PLPPR1: variants seen among roughly 807,000 people sequenced by gnomAD.
PLPPR1 encodes phospholipid phosphatase related 1.
A neutral mutation model predicts 33.1 loss-of-function variants in PLPPR1; 10 were observed. The ratio of observed to expected loss-of-function variants is 0.30; its 90% CI spans 0.19 to 0.51. The LOEUF (loss-of-function observed/expected upper bound fraction) is 0.51. Among genes scored for constraint, PLPPR1 ranks in the 20% least tolerant of loss-of-function variants. The pLI is 0.97. For synonymous variants in PLPPR1, 151 were observed against 151.0 expected (o/e 1.00, Z 0.00); for missense variants, 304 against 408.1 (o/e 0.74, Z 2.20).
chr9:101,044,225 A>G (rs1227829672), intron 1 of PLPPR1, among the ~76,000 whole-genome samples: 2 of 152,182 alleles, frequency 1.3e-5, no homozygotes, highest in African/African-American at 2.4e-5. Context: ...AAATGAATAG[A>G]CAGTTCTTCC....
At position 101,325,080 on chromosome 9, in the gene PLPPR1, T is replaced by G. The variant is rs571422304; in HGVS notation, c.*1023T>G. On this transcript the variant is annotated 3_prime_UTR_variant, in exon 8 of 8. Transcript: ENST00000374874. ...CACTTCCATGTTGGCTCTTCTCAGC[T>G]TTTTTTGTACATATTTTTTTTTTCT... 36 of 152,262 alleles carry G rather than the reference T, an allele frequency of 2.4e-4. No individual in the cohort carries two copies. Among genetic ancestry groups the G allele is most frequent in the African/African-American group, 7.5e-4 (31 of 41,538 alleles). 9.4% of individuals were successfully genotyped at this position (152,262 alleles called of 1,614,324 possible).
chr9:101,063,866 T>G (rs923760765), intron 1 of PLPPR1, among the ~76,000 whole-genome samples: 2 of 152,150 alleles, frequency 1.3e-5, no homozygotes, highest in Non-Finnish European at 2.9e-5. Context: ...ATCTGTTTAC[T>G]TCCTTTTGTT....
chr9:101,036,698 T>A (rs1830014373), intron 1 of PLPPR1, among the ~76,000 whole-genome samples: 1 of 84,690 alleles, frequency 1.2e-5, no homozygotes, highest in African/African-American at 5.2e-5. Context: ...TGGCTATTTC[T>A]GCCAAAAAAA....
intron 2 of PLPPR1, among the ~76,000 whole-genome samples, chr9:101,223,747 C>G (rs1403347752): frequency 6.6e-6 from 1 of 152,064 alleles, no homozygotes. Flanking sequence ...TTCCTGAGGC[C>G]TCCCCAACCA....
intron 2 of PLPPR1, among the ~76,000 whole-genome samples, chr9:101,229,029 T>G (rs1394432310): frequency 6.7e-6 from 1 of 149,282 alleles, no homozygotes; most frequent in African/African-American, 2.4e-5. Flanking sequence ...TGACCATTCC[T>G]ATGACCTGCC....
chr9:101,201,614 T>C (rs1430504809), intron 2 of PLPPR1, among the ~76,000 whole-genome samples: 3 of 152,170 alleles, frequency 2.0e-5, no homozygotes, highest in Non-Finnish European at 4.4e-5. Context: ...TTTTCAGAGT[T>C]AAATAGAGTT....
intron 4 of PLPPR1, among the ~76,000 whole-genome samples, chr9:101,298,533 G>C: frequency 6.6e-6 from 1 of 152,104 alleles, no homozygotes; most frequent in East Asian, 1.9e-4. Flanking sequence ...CCTCGATTTT[G>C]AAAGTCATTT....
intron 2 of PLPPR1, among the ~76,000 whole-genome samples, chr9:101,268,003 G>T (rs1180445554): frequency 6.6e-6 from 1 of 151,954 alleles, no homozygotes; most frequent in African/African-American, 2.4e-5. Flanking sequence ...CTATCGCCAG[G>T]ACGAAAAACC....
rs187115346 is a variant in PLPPR1, at chr9:101,171,545, A to G, written c.-45-13905A>G. On this transcript the variant is annotated intron_variant, in intron 1 of 7. Transcript: ENST00000374874. Reference sequence around the variant, plus strand: ...AGAGACTGTAGAGAAGGGCAGTGCCAATGCCACCCTCTTGTTGTGTCTGGG... The same window carrying G: ...AGAGACTGTAGAGAAGGGCAGTGCCGATGCCACCCTCTTGTTGTGTCTGGG... Among the ~76,000 whole-genome samples the G allele has an allele frequency of 1.3e-4, 20 of 152,292 alleles. No homozygotes were observed. In the East Asian group the frequency reaches 3.5e-3, roughly 26 times the overall value.
At chr9:101,069,201 T>A (rs1315352867) in intron 1 of PLPPR1, among the ~76,000 whole-genome samples, 2 of 152,066 alleles carry the variant, frequency 1.3e-5, no homozygotes, top group Non-Finnish European at 2.9e-5. Flanking sequence ...TGGCTCCTGA[T>A]AACCTGTGAG....
intron 3 of PLPPR1, among the ~76,000 whole-genome samples, chr9:101,279,184 A>T (rs752634475): frequency 2.0e-5 from 3 of 152,224 alleles, no homozygotes; most frequent in Admixed American, 1.3e-4. Context: ...GAAAAACAAT[A>T]CAAGTAAATG....
intron 1 of PLPPR1, among the ~76,000 whole-genome samples, chr9:101,166,498 T>G (rs1249761983): frequency 6.6e-6 from 1 of 152,142 alleles, no homozygotes; most frequent in Non-Finnish European, 1.5e-5. Context: ...AATTAGTAAT[T>G]CAGACATTAA....
chr9:101,292,940 A>C (rs1828543164), intron 4 of PLPPR1, among the ~76,000 whole-genome samples: 1 of 152,052 alleles, frequency 6.6e-6, no homozygotes, highest in Non-Finnish European at 1.5e-5. Context: ...ACAGGATCAA[A>C]TTCACACATA....
At chr9:101,268,255 A>T (rs1828034276) in intron 2 of PLPPR1, among the ~76,000 whole-genome samples, 1 of 146,792 alleles carries the variant, frequency 6.8e-6, no homozygotes, top group Non-Finnish European at 1.5e-5. Context: ...AAAAATATAC[A>T]TAAAAAAAAT....
At chr9:101,148,152 ACT>A (rs1411518500) in intron 1 of PLPPR1, among the ~76,000 whole-genome samples, 2 of 151,626 alleles carry the variant, frequency 1.3e-5, no homozygotes. Flanking sequence ...AGTCTTCCAT[ACT>A]CTCTCCTCTG....
chr9:101,029,274 ACC>A (rs1267050557), intron 1 of PLPPR1, among the ~76,000 whole-genome samples, 172 bp downstream of exon 1: 1 of 152,190 alleles, frequency 6.6e-6, no homozygotes, highest in Non-Finnish European at 1.5e-5. Context: ...GAGAGGACGA[ACC>A]CAGGGAGGGT....
intron 3 of PLPPR1, among the ~76,000 whole-genome samples, chr9:101,281,321 T>A (rs968428592): frequency 2.6e-5 from 4 of 152,250 alleles, no homozygotes; most frequent in Middle Eastern, 3.4e-3. Context: ...ATTGTTAAAA[T>A]GCCCATACTA....
chr9:101,293,331 T>TAA (rs1828555653), intron 4 of PLPPR1, among the ~76,000 whole-genome samples: 1 of 151,672 alleles, frequency 6.6e-6, no homozygotes, highest in South Asian at 2.1e-4. Flanking sequence ...CAAGGAGACT[T>TAA]AGACTCCCAC....
intron 2 of PLPPR1, among the ~76,000 whole-genome samples, chr9:101,221,461 G>A (rs945712740): frequency 2.0e-5 from 3 of 152,190 alleles, no homozygotes; most frequent in African/African-American, 7.2e-5. Flanking sequence ...GGAACCTCTG[G>A]CTCACAGGGA....
Sources: allele counts gnomAD v4.1 joint callset (sites outside exome capture counted in the v4.1 genomes callset), GRCh38; gene constraint gnomAD v4.1.1; transcripts MANE v1.5; gene names NCBI Gene and HGNC (gene_info 2026-07-23, HGNC 2026-07-21).